CIITA: variants seen among roughly 807,000 people sequenced by gnomAD.
CIITA encodes MHC class II transactivator.
CIITA carries 72 observed loss-of-function variants against 115.1 expected under a neutral mutation model. The ratio of observed to expected loss-of-function variants is 0.63; its 90% CI spans 0.52 to 0.76. The LOEUF is 0.76. Ranked by LOEUF, CIITA falls within the 30% of genes least tolerant of loss-of-function variation. The pLI is 0.00. For synonymous variants in CIITA, 763 were observed against 635.6 expected (o/e 1.20, Z -3.02); for missense variants, 1,617 against 1,463.8 (o/e 1.10, Z -1.71).
rs375810829 is a variant in CIITA, at chr16:10,923,221, C to T, written c.3318-7C>T. On this transcript the variant is annotated splice_polypyrimidine_tract_variant and splice_region_variant and intron_variant, in intron 18 of 19. Coordinates refer to ENST00000324288, the MANE Select transcript of CIITA (RefSeq NM_000246.4). The surrounding 1 kb of genome is among the most constrained non-coding windows in gnomAD (Gnocchi z 5.2). ...AACCTGGCTCTGAGTCCCATCCCCC[C>T]TTGCAGGATGTGGACGCCCACCATC... The T allele has an allele frequency of 3.7e-6, 6 of 1,612,690 alleles. No homozygotes were observed. The highest frequency in any genetic ancestry group is 5.1e-6 in the Non-Finnish European group (6 of 1,179,864).
chr16:10,880,421 C>T (rs1424296541), intron 1 of CIITA, among the ~76,000 whole-genome samples: 1 of 152,224 alleles, frequency 6.6e-6, no homozygotes, highest in Non-Finnish European at 1.5e-5. Context: ...GTGGTCTCAT[C>T]TCTTTACTCT....
Position 10,907,752 on chromosome 16 carries a change from G to T in CIITA, c.2260G>T (p.Val754Leu). The change falls in exon 11 of 20, where the codon GTG (valine) becomes TTG (leucine). Residue 754 changes from valine (V) to leucine (L), a missense_variant. Physicochemically the swap from Val to Leu is conservative, Grantham distance 32 (BLOSUM62 1). Transcript: ENST00000324288. The surrounding 1 kb of genome is among the most constrained non-coding windows in gnomAD (Gnocchi z 5.0). The stretch of plus-strand genomic sequence containing the variant: ...GCCCTATGACAACTGGCTGGAGGGC[G>T]TGCCACGCTTTCTGGCTGGGCTGAT... ...KRPYDNWLEG[V>L]PRFLAGLIFQ... is the part of the protein sequence containing the mutation. The T allele has an allele frequency of 6.2e-7, 1 of 1,614,252 alleles. No homozygotes were observed. The highest frequency in any genetic ancestry group is 8.5e-7 in the Non-Finnish European group (1 of 1,180,048).
chr16:10,868,625 G>C (rs1048194292), intron 1 of CIITA, among the ~76,000 whole-genome samples: 4 of 152,168 alleles, frequency 2.6e-5, no homozygotes, highest in African/African-American at 4.8e-5. Flanking sequence ...TGGTGGCACA[G>C]ATGCCACCTG....
At position 10,899,250 on chromosome 16, in the gene CIITA, G is replaced by A. The variant is rs563424568; in HGVS notation, c.436+248G>A. Among the ~76,000 whole-genome samples, 63 of 152,234 alleles carry A rather than the reference G, an allele frequency of 4.1e-4. 1 individual carries two copies. The highest frequency in any genetic ancestry group is 2.5e-3 in the South Asian group (12 of 4,818). On this transcript the variant is annotated intron_variant, in intron 5 of 19. Transcript: ENST00000324288. ...CTTCCTCCCTCTCCAAACCCACTAT[G>A]AGACACCACACTTCAGCCACCACCA... is the stretch of plus-strand genomic sequence containing the variant.
At chr16:10,888,580 A>C (rs563400238) in intron 1 of CIITA, 2 of 152,378 alleles carry the variant, frequency 1.3e-5, no homozygotes, top group Admixed American at 6.5e-5. Context: ...CAAATCCTGC[A>C]TGCAGTGTGA....
chr16:10,870,601 C>G, intron 1 of CIITA, among the ~76,000 whole-genome samples: 1 of 152,232 alleles, frequency 6.6e-6, no homozygotes, highest in African/African-American at 2.4e-5. Flanking sequence ...GAAAAAGAAC[C>G]AGGCTGGAGG....
At chr16:10,869,676 C>A (rs1002984461) in intron 1 of CIITA, among the ~76,000 whole-genome samples, 52 of 152,202 alleles carry the variant, frequency 3.4e-4, no homozygotes, top group African/African-American at 1.0e-3. Context: ...TGCCACTATG[C>A]CTGGCTAATT....
At chr16:10,888,555 C>G (rs1172486244) in intron 1 of CIITA, 1 of 152,220 alleles carries the variant, frequency 6.6e-6, no homozygotes, top group African/African-American at 2.4e-5. Context: ...TGTTTAGTGT[C>G]TACACTTAGC....
In CIITA at chr16:10,915,797, G is replaced by A; in HGVS notation, c.2969+147G>A. ...TGGGACCACAGGTGCATGCTACAGTGCCCAGCAACCTCTGGGTTTTGACAA... is the reference window on the plus strand; with the variant it reads ...TGGGACCACAGGTGCATGCTACAGTACCCAGCAACCTCTGGGTTTTGACAA... On this transcript the variant is annotated intron_variant, in intron 14 of 19. Transcript: ENST00000324288. The A allele has an allele frequency of 2.6e-6, 2 of 768,970 alleles. 1 individual carries two copies. Among genetic ancestry groups the A allele is most frequent in the Non-Finnish European group, 4.5e-6 (2 of 445,962 alleles). 47.6% of individuals were successfully genotyped at this position (768,970 alleles called of 1,614,324 possible).
chr16:10,885,455 T>C (rs2036848556), intron 1 of CIITA, among the ~76,000 whole-genome samples: 2 of 152,190 alleles, frequency 1.3e-5, no homozygotes. Context: ...AGCATTGCAG[T>C]GTTGCTACAT....
chr16:10,884,007 T>C (rs1280825342), intron 1 of CIITA, among the ~76,000 whole-genome samples: 1 of 151,850 alleles, frequency 6.6e-6, no homozygotes, highest in Non-Finnish European at 1.5e-5. Context: ...GCATCATTAT[T>C]ACCCAAGGTC....
Position 10,942,030 on chromosome 16 carries a change from C to A in CIITA, n.1156C>A. The A allele has an allele frequency of 7.3e-7, 1 of 1,375,244 alleles. No individual in the cohort carries two copies. Among genetic ancestry groups the A allele is most frequent in the Non-Finnish European group, 9.4e-7 (1 of 1,066,236 alleles). The allele number at this position is 1,375,244 out of a possible 1,614,324, so 85.2% of individuals were successfully genotyped here. On this transcript the variant is annotated non_coding_transcript_exon_variant, in exon 2 of 2. Coordinates refer to the CIITA transcript ENST00000573379. This position sits in a 1 kb window ranked among gnomAD's most constrained non-coding sequence, Gnocchi z 5.0. ...TGCAGCGGGTGGCAAGGGCGGCGGCCCGGCGATCCCGGCGAACTCAGCCGC... is the reference window on the plus strand; with the variant it reads ...TGCAGCGGGTGGCAAGGGCGGCGGCACGGCGATCCCGGCGAACTCAGCCGC...
At chr16:10,937,884 A>G (rs79748582), downstream of CIITA, 28,355 of 152,196 alleles carry the variant, frequency 0.19, 2,842 homozygotes, top group South Asian at 0.22. The surrounding 1 kb of genome is among the most constrained non-coding windows in gnomAD (Gnocchi z 4.2). Flanking sequence ...GGGCAGCAAG[A>G]AAGTTCTCCT....
chr16:10,910,349 C>G, intron 13 of CIITA, 90 bp downstream of exon 13: 2 of 1,108,138 alleles, frequency 1.8e-6, no homozygotes, highest in Non-Finnish European at 2.7e-6. Flanking sequence ...GGAGATAGAT[C>G]TCCAGAATCA....
At chr16:10,903,647 C>A in intron 8 of CIITA, 84 bp from the exon 9 acceptor site, 1 of 1,432,162 alleles carries the variant, frequency 7.0e-7, no homozygotes, top group Non-Finnish European at 9.9e-7. Context: ...AGCTCCACAG[C>A]CCAGTTTGGA....
At position 10,941,831 on chromosome 16, in the gene CIITA, G is replaced by T; in HGVS notation, n.957G>T. ...AGCGCCTGGTCCATGTCCTCGGGCAGGAAGACGAGGCCCACGTTGAGGACG... is the reference window on the plus strand; with the variant it reads ...AGCGCCTGGTCCATGTCCTCGGGCATGAAGACGAGGCCCACGTTGAGGACG... On this transcript the variant is annotated non_coding_transcript_exon_variant, in exon 2 of 2. Transcript: ENST00000573379. The surrounding 1 kb of genome is among the most constrained non-coding windows in gnomAD (Gnocchi z 6.4). 2 of 1,613,412 alleles carry T rather than the reference G, an allele frequency of 1.2e-6. No individual in the cohort carries two copies. Among genetic ancestry groups the T allele is most frequent in the South Asian group, 2.2e-5 (2 of 91,050 alleles).
chr16:10,917,681 G>C (rs916995707), intron 15 of CIITA, among the ~76,000 whole-genome samples: 2 of 150,896 alleles, frequency 1.3e-5, no homozygotes, highest in South Asian at 2.1e-4. Flanking sequence ...GGTTTCACCA[G>C]GTTGGCCAGG....
Position 10,915,611 on chromosome 16 carries a change from T to C in CIITA, c.2930T>C (p.Val977Ala). ...GGCCCCCAGGCTTTCCCCAAACTGG[T>C]GCGGATCCTCACGGCCTTTTCCTCC... ...VSGPQAFPKL[V>A]RILTAFSSLQ... Residue 977 changes from valine to alanine, a missense_variant, in exon 14 of 20, where the codon GTG becomes GCG. Transcript: ENST00000324288. 3.1e-6 allele frequency: 5 copies of C among 1,614,110 alleles called. No individual in the cohort carries two copies. The highest frequency in any genetic ancestry group is 3.4e-6 in the Non-Finnish European group (4 of 1,179,996).
chr16:10,923,238 C>T lies in CIITA; in HGVS notation c.3328C>T (p.Pro1110Ser). 1 of 1,613,296 alleles carries T rather than the reference C, an allele frequency of 6.2e-7. No individual in the cohort carries two copies. Among genetic ancestry groups the T allele is most frequent in the Non-Finnish European group, 8.5e-7 (1 of 1,179,974 alleles). Residue 1110 changes from proline (P) to serine (S), a missense_variant, in exon 19 of 20, where the codon CCC becomes TCC. By Grantham distance (74) the Pro-to-Ser change is moderately conservative (BLOSUM62 -1). Coordinates refer to ENST00000324288, the MANE Select transcript of CIITA (RefSeq NM_000246.4). This position sits in a 1 kb window ranked among gnomAD's most constrained non-coding sequence, Gnocchi z 5.2. ...PHVETLAMWT[P>S]TIPFSVQEHL... is the part of the protein sequence containing the mutation. Reference sequence around the variant, plus strand: ...CATCCCCCCTTGCAGGATGTGGACGCCCACCATCCCATTCAGTGTCCAGGA... The same window carrying T: ...CATCCCCCCTTGCAGGATGTGGACGTCCACCATCCCATTCAGTGTCCAGGA...
Sources: allele counts gnomAD v4.1 joint callset (sites outside exome capture counted in the v4.1 genomes callset), GRCh38; gene constraint gnomAD v4.1.1; non-coding constraint Gnocchi (gnomAD v3.1); transcripts MANE v1.5; gene names NCBI Gene and HGNC (gene_info 2026-07-23, HGNC 2026-07-21).